The following ENOX1 variants were observed in gnomAD, a reference collection of about 807,000 sequenced individuals.
ENOX1 encodes the protein candidate growth-related and time keeping constitutive hydroquinone (NADH) oxidase.
ENOX1 carries 42 observed loss-of-function variants against 82.5 expected under a neutral mutation model. The ratio of observed to expected loss-of-function variants is 0.51; its 90% CI spans 0.40 to 0.66. The LOEUF is 0.66. Ranked by LOEUF, ENOX1 falls within the 30% of genes least tolerant of loss-of-function variation. The pLI is 0.00. For synonymous variants in ENOX1, 271 were observed against 282.2 expected (o/e 0.96, Z 0.40); for missense variants, 608 against 811.6 (o/e 0.75, Z 3.05).
chr13:43,356,509 G>T (rs2050167605), intron 7 of ENOX1, among the ~76,000 whole-genome samples: 1 of 152,050 alleles, frequency 6.6e-6, no homozygotes, highest in East Asian at 1.9e-4. Flanking sequence ...AATTTGGCAT[G>T]GAGCATTTTT....
chr13:43,466,573 CCAAA>C (rs2057732965), intron 3 of ENOX1, among the ~76,000 whole-genome samples: 1 of 152,094 alleles, frequency 6.6e-6, no homozygotes, highest in African/African-American at 2.4e-5. Context: ...ATTAAACCTA[CCAAA>C]CAACTATCAG....
chr13:43,336,431 G>A (rs899487352), intron 9 of ENOX1, among the ~76,000 whole-genome samples: 5 of 152,194 alleles, frequency 3.3e-5, no homozygotes, highest in African/African-American at 7.2e-5. Context: ...AGATGAGGGC[G>A]TGACAGTGGA....
At chr13:43,419,176 C>T (rs1486815475) in intron 3 of ENOX1, among the ~76,000 whole-genome samples, 1 of 152,050 alleles carries the variant, frequency 6.6e-6, no homozygotes, top group Non-Finnish European at 1.5e-5. Flanking sequence ...AACACAGATT[C>T]CTGTTAAAGG....
At chr13:43,419,828 G>A (rs935640304) in intron 3 of ENOX1, among the ~76,000 whole-genome samples, 4 of 152,058 alleles carry the variant, frequency 2.6e-5, no homozygotes, top group South Asian at 2.1e-4. Flanking sequence ...AGAATTAGCC[G>A]GGCGTGGTGA....
chr13:43,301,582 C>CAA lies in ENOX1; in HGVS notation c.1262-3054_1262-3053dup, dbSNP rs34477975. 6.1e-3 allele frequency among the ~76,000 whole-genome samples: 860 copies of CAA among 140,016 alleles called. 8 individuals are homozygous for CAA. Among genetic ancestry groups the CAA allele is most frequent in the African/African-American group, 9.9e-3 (373 of 37,680 alleles). 91.9% of individuals were successfully genotyped at this position (140,016 alleles called of 152,430 possible). On this transcript the variant is annotated intron_variant, in intron 11 of 16. Transcript: ENST00000690772. Reference sequence around the variant, plus strand: ...CCCACAACAGCTGTAATTCCCCCACCAAAAAAAAAAAAAAAATCAATACCA... The same window carrying CAA: ...CCCACAACAGCTGTAATTCCCCCACCAAAAAAAAAAAAAAAAAATCAATACCA...
intron 1 of ENOX1, among the ~76,000 whole-genome samples, chr13:43,678,120 A>G (rs893483688): frequency 6.6e-6 from 1 of 152,156 alleles, no homozygotes; most frequent in African/African-American, 2.4e-5. Flanking sequence ...ACCATCCTGA[A>G]AGTGGAGAAA....
chr13:43,777,319 TA>T (rs973461257), intron 1 of ENOX1, among the ~76,000 whole-genome samples: 5 of 152,048 alleles, frequency 3.3e-5, no homozygotes, highest in Non-Finnish European at 5.9e-5. Context: ...AATTCTACAC[TA>T]AAAAAGGCTG....
intron 3 of ENOX1, among the ~76,000 whole-genome samples, chr13:43,481,334 T>G (rs181491559): frequency 2.0e-5 from 3 of 152,002 alleles, no homozygotes; most frequent in Non-Finnish European, 4.4e-5. Context: ...TGGAAGAGGA[T>G]AGAGAGTCCA....
intron 2 of ENOX1, among the ~76,000 whole-genome samples, chr13:43,537,745 A>G (rs1481689928): frequency 6.6e-6 from 1 of 152,216 alleles, no homozygotes; most frequent in Non-Finnish European, 1.5e-5. Flanking sequence ...CTGAAAATCA[A>G]TGTCTCCTCT....
At chr13:43,575,185 C>T (rs2080364348) in intron 2 of ENOX1, among the ~76,000 whole-genome samples, 1 of 152,204 alleles carries the variant, frequency 6.6e-6, no homozygotes, top group African/African-American at 2.4e-5. Flanking sequence ...CTCGTGAAGT[C>T]CTCTTAAAAG....
chr13:43,692,433 C>T (rs903418718), intron 1 of ENOX1, among the ~76,000 whole-genome samples: 1 of 151,708 alleles, frequency 6.6e-6, no homozygotes, highest in African/African-American at 2.4e-5. Flanking sequence ...TTTGATTGCA[C>T]AAATAAGTAG....
At chr13:43,331,200 G>A (rs373144630) in intron 9 of ENOX1, among the ~76,000 whole-genome samples, 7 of 152,228 alleles carry the variant, frequency 4.6e-5, no homozygotes, top group African/African-American at 1.7e-4. Context: ...GGAGATGAAA[G>A]AGAAAGGTTA....
At chr13:43,433,729 T>C (rs1432609577) in intron 3 of ENOX1, among the ~76,000 whole-genome samples, 1 of 152,248 alleles carries the variant, frequency 6.6e-6, no homozygotes, top group Non-Finnish European at 1.5e-5. Flanking sequence ...CTATGGTTCA[T>C]GTTGTTCCAT....
intron 16 of ENOX1, 27 bp downstream of exon 16, chr13:43,224,026 A>G (rs780459619): frequency 8.8e-6 from 14 of 1,585,766 alleles, no homozygotes; most frequent in African/African-American, 4.0e-5. Flanking sequence ...TTGAGCAACG[A>G]AAGTTCACTC....
chr13:43,392,876 A>G (rs2052881573), intron 5 of ENOX1, among the ~76,000 whole-genome samples: 3 of 152,176 alleles, frequency 2.0e-5, no homozygotes, highest in Admixed American at 1.3e-4. Flanking sequence ...TGTAAAATGA[A>G]TGACTCTCAT....
intron 5 of ENOX1, among the ~76,000 whole-genome samples, chr13:43,406,466 A>G (rs2053801538): frequency 6.7e-6 from 1 of 150,314 alleles, no homozygotes; most frequent in Admixed American, 6.6e-5. Context: ...ATGTGGCTCT[A>G]TGTAGTTAAT....
At chr13:43,614,208 T>C (rs2082311834) in intron 2 of ENOX1, among the ~76,000 whole-genome samples, 1 of 152,124 alleles carries the variant, frequency 6.6e-6, no homozygotes, top group African/African-American at 2.4e-5. Flanking sequence ...GAGCACCATA[T>C]CAGGGTTACT....
intron 1 of ENOX1, among the ~76,000 whole-genome samples, chr13:43,714,687 T>C (rs2087985959): frequency 1.3e-5 from 2 of 152,234 alleles, no homozygotes; most frequent in African/African-American, 2.4e-5. Flanking sequence ...TTTGTCTCTT[T>C]TGATCTTTGT....
intron 2 of ENOX1, among the ~76,000 whole-genome samples, chr13:43,653,172 C>T (rs1412745420): frequency 2.6e-5 from 4 of 152,188 alleles, no homozygotes; most frequent in Non-Finnish European, 5.9e-5. Flanking sequence ...ACTGAAAAGA[C>T]TCACCCCCAA....
Sources: allele counts gnomAD v4.1 joint callset (sites outside exome capture counted in the v4.1 genomes callset), GRCh38; gene constraint gnomAD v4.1.1; transcripts MANE v1.5; gene names NCBI Gene and HGNC (gene_info 2026-07-23, HGNC 2026-07-21).